Variants in LTBP1 observed in about 807,000 individuals in gnomAD.
The protein encoded by LTBP1 is latent transforming growth factor beta binding protein 1.
A neutral mutation model predicts 207.6 loss-of-function variants in LTBP1; 129 were observed. The ratio of observed to expected loss-of-function variants is 0.62; its 90% CI spans 0.54 to 0.72. LTBP1 has a LOEUF of 0.72. Among genes scored for constraint, LTBP1 ranks in the 30% least tolerant of loss-of-function variants. The pLI is 0.00. For synonymous variants in LTBP1, 963 were observed against 833.7 expected, an observed-to-expected ratio of 1.16 and a Z score of -2.67; for missense variants, 2,281 against 2,217.2, an observed-to-expected ratio of 1.03 and a Z score of -0.58.
intron 22 of LTBP1, among the ~76,000 whole-genome samples, chr2:33,306,509 G>A (rs914749820): frequency 2.6e-5 from 4 of 151,860 alleles, no homozygotes; most frequent in Admixed American, 2.6e-4. Flanking sequence ...GGCAATAGTT[G>A]CAGTGAGTCA....
intron 4 of LTBP1, among the ~76,000 whole-genome samples, chr2:33,118,005 A>G (rs949434973): frequency 6.6e-6 from 1 of 152,100 alleles, no homozygotes; most frequent in Non-Finnish European, 1.5e-5. Context: ...AGCAGGAGAA[A>G]TCCAGGGTTT....
At chr2:33,376,487 GA>G (rs2150310007) in intron 31 of LTBP1, among the ~76,000 whole-genome samples, 1 of 152,364 alleles carries the variant, frequency 6.6e-6, no homozygotes, top group East Asian at 1.9e-4. Flanking sequence ...TTGGAAATGA[GA>G]GAATGAAAAC....
chr2:33,085,281 C>A (rs890935029), intron 3 of LTBP1, among the ~76,000 whole-genome samples: 3 of 152,128 alleles, frequency 2.0e-5, no homozygotes, highest in Non-Finnish European at 2.9e-5. Context: ...TTTTAAGCCA[C>A]CTAGTTTATG....
At chr2:33,284,652 GGA>G (rs147401222) in intron 19 of LTBP1, among the ~76,000 whole-genome samples, 30 of 152,256 alleles carry the variant, frequency 2.0e-4, no homozygotes, top group Non-Finnish European at 3.4e-4. Context: ...CTTGGCTTGT[GGA>G]GATCTGGCCT....
intron 15 of LTBP1, among the ~76,000 whole-genome samples, chr2:33,266,492 G>C (rs1206102929): frequency 6.6e-6 from 1 of 152,142 alleles, no homozygotes; most frequent in Non-Finnish European, 1.5e-5. Flanking sequence ...CCAGTTCCAG[G>C]TGTAGTCCAC....
chr2:33,303,911 C>T (rs1038360058), intron 22 of LTBP1, among the ~76,000 whole-genome samples: 14 of 152,318 alleles, frequency 9.2e-5, no homozygotes, highest in African/African-American at 2.6e-4. Flanking sequence ...TGACCATCAG[C>T]ATCTCCTCTG....
chr2:33,201,012 C>CT (rs2089182549), intron 7 of LTBP1, among the ~76,000 whole-genome samples: 1 of 152,186 alleles, frequency 6.6e-6, no homozygotes, highest in Non-Finnish European at 1.5e-5. Flanking sequence ...ATTAGGTACA[C>CT]TTTTACACTG....
intron 5 of LTBP1, among the ~76,000 whole-genome samples, chr2:33,138,889 C>T (rs1311869621): frequency 2.8e-4 from 31 of 111,868 alleles, no homozygotes; most frequent in South Asian, 1.6e-3. Flanking sequence ...GACGGAGTCT[C>T]GCTCTGTCGC....
chr2:33,175,617 G>C (rs1020543828), intron 5 of LTBP1, among the ~76,000 whole-genome samples: 1 of 152,160 alleles, frequency 6.6e-6, no homozygotes, highest in Non-Finnish European at 1.5e-5. Context: ...GGATCTAGAA[G>C]TAGAAATACC....
chr2:33,179,847 T>C (rs191536212), intron 5 of LTBP1, among the ~76,000 whole-genome samples: 2 of 152,294 alleles, frequency 1.3e-5, no homozygotes, highest in East Asian at 3.9e-4. Context: ...CTATCATTTA[T>C]ATTCTTTGTG....
rs184093605 is a variant in LTBP1, at chr2:33,152,882, G to A, written c.1201+17922G>A. Among the ~76,000 whole-genome samples, 11 of 152,298 alleles carry A rather than the reference G, an allele frequency of 7.2e-5. No individual in the cohort carries two copies. In the East Asian group the frequency reaches 2.1e-3, roughly 29 times the overall value. On this transcript the variant is annotated intron_variant, in intron 5 of 33. Coordinates refer to ENST00000404816, the MANE Select transcript of LTBP1 (RefSeq NM_206943.4). ...TTATCTCTAGCTGATAATTGATTGT[G>A]AATCTTTAGGGAGACCTGAGTTTTA...
intron 2 of LTBP1, among the ~76,000 whole-genome samples, chr2:32,971,218 T>C (rs115199919): frequency 3.6e-3 from 543 of 152,318 alleles, no homozygotes; most frequent in Non-Finnish European, 6.1e-3. Context: ...TTTCTAGATA[T>C]AAAATCATAT....
intron 5 of LTBP1, among the ~76,000 whole-genome samples, chr2:33,144,008 A>T (rs1331724271): frequency 6.6e-6 from 1 of 151,980 alleles, no homozygotes; most frequent in Admixed American, 6.6e-5. Flanking sequence ...CTGAAGGTGC[A>T]TATGGACTCC....
Position 33,347,379 on chromosome 2 carries a change from G to T in LTBP1, c.3869G>T (p.Cys1290Phe). The change falls in exon 26 of 34, where the codon TGT becomes TTT. Residue 1290 changes from cysteine to phenylalanine, a missense_variant. By Grantham distance (205) the Cys-to-Phe change is radical. Around this residue, in one of 3 missense-constraint regions of LTBP1, gnomAD observed 1,671 missense variants for 1,634.8 expected, o/e 1.02. Transcript: ENST00000404816. ...CTCCCTTTTCCAGATGTGAATGAAT[G>T]TGAACTGCTCAGTGGGGTGTGTGGT... The part of the protein sequence containing the change: ...DGQGCVDVNE[C>F]ELLSGVCGEA... 1 of 1,614,184 alleles carries T rather than the reference G, an allele frequency of 6.2e-7. No homozygotes were observed. Among genetic ancestry groups the T allele is most frequent in the Non-Finnish European group, 8.5e-7 (1 of 1,180,024 alleles).
intron 3 of LTBP1, among the ~76,000 whole-genome samples, chr2:33,088,313 A>G (rs112519886): frequency 0.11 from 16,486 of 152,180 alleles, 1,190 homozygotes; most frequent in Non-Finnish European, 0.16. Context: ...TTAGCTAGGC[A>G]TGGTGGCGCG....
At chr2:33,058,378 G>C (rs1572427845) in intron 3 of LTBP1, among the ~76,000 whole-genome samples, 1 of 152,302 alleles carries the variant, frequency 6.6e-6, no homozygotes, top group East Asian at 1.9e-4. Flanking sequence ...TTGTTTTACA[G>C]ATGAGAAGCT....
intron 2 of LTBP1, among the ~76,000 whole-genome samples, chr2:32,956,685 A>G (rs1264053392): frequency 1.3e-5 from 2 of 152,208 alleles, no homozygotes; most frequent in African/African-American, 4.8e-5. Flanking sequence ...TAAATCATGA[A>G]TGTTCTTAAT....
intron 3 of LTBP1, among the ~76,000 whole-genome samples, chr2:33,070,814 G>T (rs912649529): frequency 3.9e-5 from 6 of 152,154 alleles, no homozygotes; most frequent in Non-Finnish European, 7.3e-5. Flanking sequence ...GCACTGTGGC[G>T]TGGGGGAGTA....
Position 33,361,498 on chromosome 2 carries a change from G to C in LTBP1, c.4253G>C (p.Gly1418Ala). The C allele has an allele frequency of 6.2e-7, 1 of 1,613,194 alleles. No homozygotes were observed. Reference sequence around the variant, plus strand: ...GCTGGAGAATCATCTTCTGAAGCTGGTGGTGAGAACTATAAAGGTCAGAAT... The same window carrying C: ...GCTGGAGAATCATCTTCTGAAGCTGCTGGTGAGAACTATAAAGGTCAGAAT... ...VPAGESSSEAGGENYKDADEC... is the reference protein window; with the variant it reads ...VPAGESSSEAAGENYKDADEC... The change falls in exon 28 of 34, where the codon GGT (glycine) becomes GCT (alanine). Residue 1418 changes from glycine (G) to alanine (A), a missense_variant. Transcript: ENST00000404816.
Sources: allele counts gnomAD v4.1 joint callset (sites outside exome capture counted in the v4.1 genomes callset), GRCh38; gene constraint gnomAD v4.1.1; regional missense constraint gnomAD v4.1.1; transcripts MANE v1.5; gene names NCBI Gene and HGNC (gene_info 2026-07-23, HGNC 2026-07-21).